The following AARS1 variants were observed in gnomAD, a reference collection of about 807,000 sequenced individuals.
AARS1 encodes alanyl-tRNA synthetase 1.
Under a neutral mutation model 108.9 loss-of-function variants are expected in AARS1, and 72 were observed. The ratio of observed to expected loss-of-function variants is 0.66; its 90% CI spans 0.55 to 0.80. AARS1 has a LOEUF of 0.80. Among genes scored for constraint, AARS1 ranks in the 30% least tolerant of loss-of-function variants. The probability of loss-of-function intolerance (pLI) is 0.00; values close to 1 mark genes in which losing one functional copy is unlikely to be tolerated. For missense variants in AARS1, 1,193 were observed against 1,233.2 expected, an observed-to-expected ratio of 0.97 and a Z score of 0.49; for synonymous variants, 489 against 465.7, an observed-to-expected ratio of 1.05 and a Z score of -0.64.
At chr16:70,278,997 CAG>C (rs2152168194) in intron 2 of AARS1, among the ~76,000 whole-genome samples, 1 of 152,284 alleles carries the variant, frequency 6.6e-6, no homozygotes, top group Admixed American at 6.5e-5. Flanking sequence ...GCGAAGGACA[CAG>C]AGCAGCGCCT....
In AARS1 at chr16:70,269,622, G is replaced by A. The variant is rs138490305; in HGVS notation, c.958C>T (p.Arg320Cys). The A allele has an allele frequency of 1.1e-4, 175 of 1,613,744 alleles. No individual in the cohort carries two copies. Among genetic ancestry groups the A allele is most frequent in the Non-Finnish European group, 1.4e-4 (168 of 1,180,024 alleles). Residue 320 changes from arginine to cysteine, a missense_variant, in exon 7 of 21, where the codon CGT becomes TGT. Arg to Cys is a radical substitution (Grantham distance 180, BLOSUM62 -3). Transcript: ENST00000261772. ...CCCAGTGTGCAGCATACTTACCCAC[G>A]CCCTGTGTTGTCAGGCCGGCCACCA... The part of the protein sequence containing the change: ...ADGGRPDNTG[R>C]GYVLRRILRR...
intron 15 of AARS1, 92 bp from the exon 16 acceptor site, chr16:70,255,928 G>A: frequency 8.2e-7 from 1 of 1,212,872 alleles, no homozygotes; most frequent in South Asian, 1.3e-5. Flanking sequence ...GCAGGAATGG[G>A]TTGACAGTCA....
At chr16:70,255,988 C>G (rs568613739) in intron 15 of AARS1, 152 bp from the exon 16 acceptor site, 1 of 704,456 alleles carries the variant, frequency 1.4e-6, no homozygotes, top group Non-Finnish European at 2.5e-6. Context: ...GACACCAGCT[C>G]GCTGAGCCTG....
Position 70,269,515 on chromosome 16 carries a change from C to T in AARS1, c.962+103G>A, listed in dbSNP as rs7193598. On this transcript the variant is annotated intron_variant, in intron 7 of 20. Transcript: ENST00000261772. ...CGCCATTGTACTCCAGCCTGGGCAA[C>T]AGAGCAACACTCAATCTCACACACA... 0.016 allele frequency: 24,092 copies of T among 1,528,850 alleles called. 2,786 individuals carry two copies. The African/African-American group carries it at 0.27, about 17-fold the overall frequency. The allele number at this position is 1,528,850 out of a possible 1,614,324, so 94.7% of individuals were successfully genotyped here. A position where few individuals can be genotyped will look rare whatever the true frequency, so the allele number is the denominator to read the frequency against.
chr16:70,266,840 T>C (rs1960275320), intron 9 of AARS1, among the ~76,000 whole-genome samples: 1 of 151,798 alleles, frequency 6.6e-6, no homozygotes, highest in African/African-American at 2.4e-5. Flanking sequence ...CTATTTCTTT[T>C]TCTTTTTCTT....
rs1003582880 is a variant in AARS1 at position 70,268,346 on chromosome 16, G to C, written c.996C>G (p.Val332=). The part of the protein sequence containing the change: ...YVLRRILRRA[V]RYAHEKLNAS... ...CATTGAGCTTTTCATGGGCGTATCG[G>C]ACAGCTCGGCGGAGAATCCGTCTCA... Residue 332 remains valine (V), a synonymous_variant, in exon 8 of 21, where the codon GTC becomes GTG. Transcript: ENST00000261772. 6.2e-7 allele frequency: 1 copy of C among 1,614,170 alleles called. No homozygotes were observed. The highest frequency in any genetic ancestry group is 8.5e-7 in the Non-Finnish European group (1 of 1,180,024).
intron 17 of AARS1, chr16:70,254,297 T>A: frequency 1.7e-6 from 1 of 599,140 alleles, no homozygotes; most frequent in South Asian, 2.0e-5. Flanking sequence ...ATAAGCTTCC[T>A]GGCAGCTTGA....
intron 4 of AARS1, among the ~76,000 whole-genome samples, chr16:70,274,031 G>A (rs1017902386): frequency 5.3e-5 from 8 of 150,756 alleles, no homozygotes; most frequent in Admixed American, 2.0e-4. Context: ...TCAAAAAAAC[G>A]AAACAAAAAA....
Position 70,271,972 on chromosome 16 carries a change from C to T in AARS1, c.480G>A (p.Gly160=). Residue 160 remains glycine (G), a splice_region_variant and synonymous_variant, in exon 5 of 21, where the codon GGG becomes GGA. Transcript: ENST00000261772. ...CTGGGAGGATTTTGGTGTCATCCAG[C>T]CTGACAAAGGAGTAAAGATAAGTCC... ...LECKQIWQNL[G]LDDTKILPGN... The T allele has an allele frequency of 6.2e-7, 1 of 1,613,608 alleles. No homozygotes were observed. Among genetic ancestry groups the T allele is most frequent in the Non-Finnish European group, 8.5e-7 (1 of 1,179,672 alleles).
intron 9 of AARS1, among the ~76,000 whole-genome samples, chr16:70,266,906 G>A (rs574999499): frequency 6.6e-6 from 1 of 152,138 alleles, no homozygotes; most frequent in South Asian, 2.1e-4. Context: ...GCATGATTTT[G>A]GCTCAATGCA....
chr16:70,258,185 T>C lies in AARS1; in HGVS notation c.2025A>G (p.Ala675=), dbSNP rs745695764. 2.6e-5 allele frequency: 41 copies of C among 1,604,082 alleles called. No individual in the cohort carries two copies. The highest frequency in any genetic ancestry group is 6.7e-5 in the African/African-American group (5 of 74,614). The change falls in exon 15 of 21, where the codon GCA becomes GCG. Residue 675 remains alanine (A), a synonymous_variant. Coordinates refer to ENST00000261772, the MANE Select transcript of AARS1 (RefSeq NM_001605.3). ...AVYTQDCPLA[A]AKAIQGLRAV... ...CCCGTAGGCCCTGGATGGCTTTCGC[T>C]GCTGCCAGGGGGCAATCCTGGGTAT... is the stretch of plus-strand genomic sequence containing the variant.
chr16:70,266,368 C>T (rs1340935463), intron 9 of AARS1, among the ~76,000 whole-genome samples: 2 of 151,366 alleles, frequency 1.3e-5, no homozygotes, highest in Non-Finnish European at 2.9e-5. Context: ...CGGTGGCGGA[C>T]ACCTGTAGTC....
intron 13 of AARS1, among the ~76,000 whole-genome samples, chr16:70,260,679 T>C (rs567413414): frequency 6.6e-6 from 1 of 152,066 alleles, no homozygotes; most frequent in South Asian, 2.1e-4. Flanking sequence ...AATTTTTTTT[T>C]TGAGGCGGAG....
chr16:70,276,958 G>A lies in AARS1; in HGVS notation c.333+8C>T. On this transcript the variant is annotated splice_region_variant and intron_variant, in intron 3 of 20. Coordinates refer to ENST00000261772, the MANE Select transcript of AARS1 (RefSeq NM_001605.3). ...AAAACCCTAGTGGTTCTTCTGCTCT[G>A]AACTTACCTTAAAGTAATCTCCAAA... 1 of 1,614,064 alleles carries A rather than the reference G, an allele frequency of 6.2e-7. No individual in the cohort carries two copies. The highest frequency in any genetic ancestry group is 8.5e-7 in the Non-Finnish European group (1 of 1,179,982).
At chr16:70,253,859 G>T (rs1346613052) in intron 18 of AARS1, 59 bp from the exon 19 acceptor site, 3 of 1,614,086 alleles carry the variant, frequency 1.9e-6, no homozygotes, top group Non-Finnish European at 2.5e-6. Flanking sequence ...CCGAACCCCT[G>T]GCTGTTCTGC....
At chr16:70,262,967 C>CAAA (rs57444625) in intron 11 of AARS1, among the ~76,000 whole-genome samples, 284 of 20,590 alleles carry the variant, frequency 0.014, 37 homozygotes, top group East Asian at 0.024. Context: ...GACTCGGTCT[C>CAAA]AAAAAAAAAA....
chr16:70,255,955 G>C (rs979490484), intron 15 of AARS1, 119 bp from the exon 16 acceptor site: 3 of 937,828 alleles, frequency 3.2e-6, no homozygotes, highest in Admixed American at 2.0e-5. Context: ...GCCTGGGCTT[G>C]AGAGTATTCT....
intron 15 of AARS1, among the ~76,000 whole-genome samples, 159 bp downstream of exon 15, chr16:70,257,874 T>C (rs1403913971): frequency 1.3e-5 from 2 of 152,216 alleles, no homozygotes; most frequent in African/African-American, 4.8e-5. Context: ...CTAATGAGCA[T>C]GCTAGGATGC....
At chr16:70,285,944 C>T (rs1960828436) in intron 1 of AARS1, among the ~76,000 whole-genome samples, 1 of 152,288 alleles carries the variant, frequency 6.6e-6, no homozygotes, top group East Asian at 1.9e-4. Flanking sequence ...CCAAAAGACA[C>T]ATGAATTTCC....
Sources: allele counts gnomAD v4.1 joint callset (sites outside exome capture counted in the v4.1 genomes callset), GRCh38; gene constraint gnomAD v4.1.1; transcripts MANE v1.5; gene names NCBI Gene and HGNC (gene_info 2026-07-23, HGNC 2026-07-21).